Variants in JARID2 observed in about 807,000 individuals in gnomAD.
JARID2 encodes protein Jumonji.
In JARID2, 21 loss-of-function variants were observed where a neutral mutation model predicts 125.6. The observed-to-expected ratio is 0.17, with a 90% CI of 0.12 to 0.24. The LOEUF is 0.24. JARID2 is among the 10% of genes least tolerant of loss of function. The pLI is 1.00. For missense variants in JARID2, 1,303 were observed against 1,639.6 expected, an observed-to-expected ratio of 0.79 and a Z score of 3.55; for synonymous variants, 736 against 661.6, an observed-to-expected ratio of 1.11 and a Z score of -1.73.
At chr6:15,417,851 C>T (rs1164354604) in intron 3 of JARID2, among the ~76,000 whole-genome samples, 1 of 152,186 alleles carries the variant, frequency 6.6e-6, no homozygotes, top group Non-Finnish European at 1.5e-5. Flanking sequence ...ACATGAATTG[C>T]TACATGTGAG....
intron 5 of JARID2, among the ~76,000 whole-genome samples, chr6:15,472,082 G>A (rs1769102417): frequency 6.6e-6 from 1 of 151,278 alleles, no homozygotes; most frequent in Non-Finnish European, 1.5e-5. Flanking sequence ...ACAGTGTTGG[G>A]ATTTTTTTGT....
At chr6:15,512,461 GAA>G in intron 14 of JARID2, 71 bp downstream of exon 14, 2 of 1,395,270 alleles carry the variant, frequency 1.4e-6, no homozygotes, top group Non-Finnish European at 2.0e-6. Context: ...AGCGCACACA[GAA>G]GCATCCCTGC....
At chr6:15,287,179 C>A (rs1761036842) in intron 1 of JARID2, among the ~76,000 whole-genome samples, 1 of 152,064 alleles carries the variant, frequency 6.6e-6, no homozygotes, top group South Asian at 2.1e-4. Context: ...CCCTCTTGAT[C>A]CTTTCTTTCC....
At chr6:15,448,702 A>G (rs1441937076) in intron 3 of JARID2, among the ~76,000 whole-genome samples, 1 of 152,128 alleles carries the variant, frequency 6.6e-6, no homozygotes, top group Non-Finnish European at 1.5e-5. Context: ...TCATGGGAAA[A>G]GCAGGGCAGT....
chr6:15,297,962 T>C (rs1048384621), intron 1 of JARID2, among the ~76,000 whole-genome samples: 1 of 152,160 alleles, frequency 6.6e-6, no homozygotes, highest in African/African-American at 2.4e-5. Context: ...AATGCCCTCT[T>C]ATATTTATTC....
rs750241668 is a variant in JARID2, at chr6:15,496,509, G to A, written c.1284G>A (p.Arg428=). ...AGGAGGTGGGGGGGCGGCAGCTGCG[G>A]GAGGGCCTGCAGCTGCGGGAGGGGC... The part of the protein sequence containing the change: ...CTKEVGGRQL[R]EGLQLREGLR... Residue 428 remains arginine, a synonymous_variant, in exon 7 of 18, where the codon CGG becomes CGA. Transcript: ENST00000341776. The A allele has an allele frequency of 1.9e-6, 3 of 1,607,306 alleles. No homozygotes were observed. The South Asian group carries it at 3.3e-5, about 18-fold the overall frequency.
intron 1 of JARID2, among the ~76,000 whole-genome samples, chr6:15,300,261 A>G (rs1360124775): frequency 1.3e-5 from 2 of 152,200 alleles, no homozygotes; most frequent in African/African-American, 4.8e-5. Context: ...TAAACACTTA[A>G]AAACCTCTAA....
At chr6:15,450,560 C>G (rs1365736472) in intron 3 of JARID2, among the ~76,000 whole-genome samples, 4 of 152,112 alleles carry the variant, frequency 2.6e-5, no homozygotes, top group Non-Finnish European at 5.9e-5. Flanking sequence ...CTATTTCAAT[C>G]CCTGTACTGT....
rs148559500 is a variant in JARID2 at position 15,517,262 on chromosome 6, C to T, written c.3552C>T (p.Tyr1184=). 4.5e-4 allele frequency: 733 copies of T among 1,611,728 alleles called. 3 individuals are homozygous for T. In the African/African-American group the frequency reaches 8.1e-3, roughly 18 times the overall value. The change falls in exon 17 of 18, where the codon TAC becomes TAT. Residue 1184 remains tyrosine (Y), a synonymous_variant. Coordinates refer to ENST00000341776, the MANE Select transcript of JARID2 (RefSeq NM_004973.4). ...SCRGLKLMYR[Y]DEEQIISLVN... ...GAGGGCTGAAGTTGATGTACCGCTACGATGAGGTCAGTCCCTGCCCGCGGG... is the reference window on the plus strand; with the variant it reads ...GAGGGCTGAAGTTGATGTACCGCTATGATGAGGTCAGTCCCTGCCCGCGGG...
intron 2 of JARID2, among the ~76,000 whole-genome samples, chr6:15,402,629 C>T (rs1765482721): frequency 6.6e-6 from 1 of 152,152 alleles, no homozygotes; most frequent in African/African-American, 2.4e-5. Context: ...GCAGTGATGC[C>T]ATTGTTCTGC....
chr6:15,459,126 A>G (rs566543570), intron 4 of JARID2, among the ~76,000 whole-genome samples: 68 of 152,326 alleles, frequency 4.5e-4, no homozygotes, highest in African/African-American at 1.6e-3. Context: ...GATATTCTAG[A>G]GTCTATAGCA....
At chr6:15,461,618 C>A (rs1025213932) in intron 4 of JARID2, among the ~76,000 whole-genome samples, 1 of 152,182 alleles carries the variant, frequency 6.6e-6, no homozygotes, top group Non-Finnish European at 1.5e-5. Context: ...AGTTACTTTC[C>A]TATTTGGGAA....
At chr6:15,303,897 C>T (rs1271447999) in intron 1 of JARID2, among the ~76,000 whole-genome samples, 1 of 152,102 alleles carries the variant, frequency 6.6e-6, no homozygotes, top group Non-Finnish European at 1.5e-5. Context: ...AATCTTGAAA[C>T]CAGCATTAAA....
At chr6:15,331,907 A>G (rs1171232448) in intron 1 of JARID2, among the ~76,000 whole-genome samples, 1 of 152,138 alleles carries the variant, frequency 6.6e-6, no homozygotes, top group East Asian at 1.9e-4. Context: ...ATTAAATAGA[A>G]AATTCTAATT....
rs1261486133 is a variant in JARID2, at chr6:15,496,857, G to C, written c.1632G>C (p.Lys544Asn). ...HKPQDSGKAE[K>N]GGGKAGWAAM... ...CGCAGGACTCGGGCAAGGCCGAGAA[G>C]GGCGGCGGCAAGGCCGGGTGGGCGG... Residue 544 changes from lysine (K) to asparagine (N), a missense_variant, in exon 7 of 18, where the codon AAG becomes AAC. Around this residue, in one of 11 missense-constraint regions of JARID2, gnomAD observed 651 missense variants for 581.6 expected, o/e 1.12. Transcript: ENST00000341776. 1 of 1,601,568 alleles carries C rather than the reference G, an allele frequency of 6.2e-7. No individual in the cohort carries two copies. Among genetic ancestry groups the C allele is most frequent in the Non-Finnish European group, 8.5e-7 (1 of 1,171,670 alleles).
At chr6:15,389,985 C>CT (rs1764937183) in intron 2 of JARID2, among the ~76,000 whole-genome samples, 1 of 152,122 alleles carries the variant, frequency 6.6e-6, no homozygotes, top group African/African-American at 2.4e-5. Context: ...ATGCACATGG[C>CT]TTTTAGTTTC....
At chr6:15,485,052 A>G (rs1370802409) in intron 5 of JARID2, among the ~76,000 whole-genome samples, 2 of 152,158 alleles carry the variant, frequency 1.3e-5, no homozygotes, top group Non-Finnish European at 2.9e-5. Flanking sequence ...GGCATGATTG[A>G]TGGTTTCTGA....
At chr6:15,278,357 C>T (rs952109136) in intron 1 of JARID2, among the ~76,000 whole-genome samples, 7 of 152,016 alleles carry the variant, frequency 4.6e-5, no homozygotes, top group South Asian at 2.1e-4. Flanking sequence ...GAGGCTGAGG[C>T]GGGTGGATCA....
chr6:15,422,148 G>A (rs1766522400), intron 3 of JARID2, among the ~76,000 whole-genome samples: 1 of 152,182 alleles, frequency 6.6e-6, no homozygotes, highest in African/African-American at 2.4e-5. Flanking sequence ...GCGCGTCCAG[G>A]AGAGGGCCCA....
Sources: gnomAD v4.1 joint callset for allele counts (sites outside exome capture counted in the v4.1 genomes callset) on GRCh38, gnomAD v4.1.1 for gene constraint, gnomAD v4.1.1 regional missense constraint, MANE v1.5 for transcripts, NCBI Gene and HGNC (gene_info 2026-07-23, HGNC 2026-07-21) for gene names.